The following EPS15 variants were observed in gnomAD, a reference collection of about 807,000 sequenced individuals.
The protein encoded by EPS15 is epidermal growth factor receptor substrate 15.
Under a neutral mutation model 113.8 loss-of-function variants are expected in EPS15, and 72 were observed. That is an observed-to-expected ratio of 0.63 (90% CI 0.52 to 0.77). The LOEUF is 0.77. Among genes scored for constraint, EPS15 ranks in the 30% least tolerant of loss-of-function variants. The pLI, the probability that EPS15 is intolerant of heterozygous loss-of-function variation, is 0.00. For missense variants in EPS15, 1,048 were observed against 1,045.8 expected (o/e 1.00, Z -0.03); for synonymous variants, 344 against 363.4 (o/e 0.95, Z 0.61).
intron 8 of EPS15, chr1:51,457,453 A>G (rs567181113): frequency 1.3e-4 from 19 of 150,910 alleles, no homozygotes; most frequent in African/African-American, 4.6e-4. Flanking sequence ...CGAATCCCCT[A>G]CCCAAAATGC....
intron 16 of EPS15, among the ~76,000 whole-genome samples, chr1:51,405,663 A>G (rs1324151097): frequency 6.6e-6 from 1 of 151,672 alleles, no homozygotes; most frequent in African/African-American, 2.4e-5. Context: ...GCACCACTGC[A>G]CTCCAGCCTG....
intron 23 of EPS15, among the ~76,000 whole-genome samples, chr1:51,363,240 G>A (rs1037961080): frequency 1.3e-5 from 2 of 149,884 alleles, no homozygotes; most frequent in African/African-American, 4.9e-5. Context: ...TGAGGTTACA[G>A]TGAGCTGAGA....
chr1:51,444,726 C>G (rs1037010001), intron 11 of EPS15, among the ~76,000 whole-genome samples, 163 bp downstream of exon 11: 2 of 152,156 alleles, frequency 1.3e-5, no homozygotes, highest in African/African-American at 4.8e-5. Flanking sequence ...ATACAAGGCA[C>G]TCCAGCATAT....
intron 2 of EPS15, among the ~76,000 whole-genome samples, chr1:51,478,990 T>C (rs1188133623): frequency 6.6e-6 from 1 of 152,208 alleles, no homozygotes; most frequent in African/African-American, 2.4e-5. Context: ...TTTCCTGAAT[T>C]TGAATGTTGG....
chr1:51,420,938 A>G (rs1650695195), intron 13 of EPS15, among the ~76,000 whole-genome samples: 1 of 152,180 alleles, frequency 6.6e-6, no homozygotes, highest in South Asian at 2.1e-4. Flanking sequence ...AATCCAACAT[A>G]CAAGCAACAC....
At chr1:51,463,507 C>A in intron 7 of EPS15, 166 bp downstream of exon 7, 1 of 476,274 alleles carries the variant, frequency 2.1e-6, no homozygotes, top group Non-Finnish European at 3.7e-6. Flanking sequence ...CAGAAATATG[C>A]TGGCAATAAT....
intron 8 of EPS15, among the ~76,000 whole-genome samples, chr1:51,455,426 C>T (rs1653915795): frequency 6.6e-6 from 1 of 151,878 alleles, no homozygotes; most frequent in South Asian, 2.1e-4. Context: ...CCCATCTCTA[C>T]AAAAAATACA....
chr1:51,391,818 A>G (rs186836086), intron 21 of EPS15, among the ~76,000 whole-genome samples: 54 of 152,354 alleles, frequency 3.5e-4, no homozygotes, highest in Non-Finnish European at 7.5e-4. Flanking sequence ...AACATTAAAG[A>G]TGAACCATGA....
chr1:51,403,466 T>C lies in EPS15; in HGVS notation c.1744A>G (p.Thr582Ala). The C allele has an allele frequency of 6.2e-7, 1 of 1,611,196 alleles. No homozygotes were observed. Among genetic ancestry groups the C allele is most frequent in the East Asian group, 2.2e-5 (1 of 44,754 alleles). ...TCGAGTTCAGAACAAACTTTTTCAG[T>C]AACAGCTGTAGTCACCTCATTTTCA... is the stretch of plus-strand genomic sequence containing the variant. Reference protein sequence around the residue: ...TDENEVTTAVTEKVCSELDNN... With the variant: ...TDENEVTTAVAEKVCSELDNN... Residue 582 changes from threonine to alanine, a missense_variant, in exon 17 of 25, where the codon ACT becomes GCT. Coordinates refer to ENST00000371733, the MANE Select transcript of EPS15 (RefSeq NM_001981.3).
chr1:51,470,401 T>G (rs1415214092), intron 4 of EPS15, among the ~76,000 whole-genome samples: 1 of 152,070 alleles, frequency 6.6e-6, no homozygotes, highest in African/African-American at 2.4e-5. Flanking sequence ...TCCCAGCACT[T>G]TGGGAGGCCG....
rs1458478406 is a variant in EPS15 at position 51,386,780 on chromosome 1, A to T, written c.2119+7601T>A. Among the ~76,000 whole-genome samples, 6 of 152,348 alleles carry T rather than the reference A, an allele frequency of 3.9e-5. No individual in the cohort carries two copies. In the East Asian group the frequency reaches 1.2e-3, roughly 29 times the overall value. ...GGGAAGTTTAGAGAAAAAAGAATAA[A>T]AAGAAACGAACAAAGCCTCCAAGAA... On this transcript the variant is annotated intron_variant, in intron 21 of 24. Coordinates refer to ENST00000371733, the MANE Select transcript of EPS15 (RefSeq NM_001981.3).
rs1646205606 is a variant in EPS15, at chr1:51,355,789, A to G, written c.*911T>C. 2 of 196,574 alleles carry G rather than the reference A, an allele frequency of 1.0e-5. No individual in the cohort carries two copies. The highest frequency in any genetic ancestry group is 2.3e-5 in the African/African-American group (1 of 43,342). 12.2% of individuals were successfully genotyped at this position (196,574 alleles called of 1,614,324 possible). ...AGCTTGCTGAAGTTTCTTCTGCAAA[A>G]GTACAAAAATTAACCCACTAAGAAC... On this transcript the variant is annotated 3_prime_UTR_variant, in exon 25 of 25. Coordinates refer to ENST00000371733, the MANE Select transcript of EPS15 (RefSeq NM_001981.3).
chr1:51,409,783 A>G, intron 13 of EPS15, 87 bp from the exon 14 acceptor site: 1 of 888,150 alleles, frequency 1.1e-6, no homozygotes, highest in South Asian at 1.5e-5. Flanking sequence ...TTAAGAAAGA[A>G]TAAAGTCTTA....
chr1:51,508,232 A>AGAAAAGAAAG (rs1644536878), intron 1 of EPS15, among the ~76,000 whole-genome samples: 1 of 97,264 alleles, frequency 1.0e-5, no homozygotes, highest in East Asian at 2.3e-4. Flanking sequence ...AGAAAAGAAA[A>AGAAAAGAAAG]GAAAAGAAAG....
chr1:51,385,777 T>C (rs909118316), intron 21 of EPS15, among the ~76,000 whole-genome samples: 3 of 152,168 alleles, frequency 2.0e-5, no homozygotes, highest in Non-Finnish European at 2.9e-5. Flanking sequence ...GAGGACATTA[T>C]GGTAAATGAA....
intron 21 of EPS15, chr1:51,372,857 C>T (rs1401103860): frequency 2.8e-6 from 2 of 705,714 alleles, no homozygotes; most frequent in Non-Finnish European, 4.2e-6. Context: ...TTTGAGGAGG[C>T]TGAACTCCAA....
At chr1:51,497,849 C>T (rs574028247) in intron 1 of EPS15, among the ~76,000 whole-genome samples, 27 of 151,902 alleles carry the variant, frequency 1.8e-4, no homozygotes, top group East Asian at 1.9e-4. Context: ...TGGTGGTGCG[C>T]GCCTGTAGTC....
At position 51,421,823 on chromosome 1, in the gene EPS15, T is replaced by C; in HGVS notation, c.1076A>G (p.Lys359Arg). 6.2e-7 allele frequency: 1 copy of C among 1,608,574 alleles called. No individual in the cohort carries two copies. Among genetic ancestry groups the C allele is most frequent in the African/African-American group, 1.3e-5 (1 of 74,950 alleles). The change falls in exon 13 of 25, where the codon AAG becomes AGG. Residue 359 changes from lysine (K) to arginine (R), a missense_variant. Lys to Arg is a conservative substitution (Grantham distance 26). Transcript: ENST00000371733. ...KNNVEQDLKE[K>R]EDTIKQRTSE... ...TGTCCTCTGTTTAATAGTATCTTCC[T>C]TCTCCTTAAGGTCCTGTTCCACATT... is the stretch of plus-strand genomic sequence containing the variant.
At chr1:51,364,086 G>T in intron 22 of EPS15, 58 bp from the exon 23 acceptor site, 1 of 1,284,584 alleles carries the variant, frequency 7.8e-7, no homozygotes, top group Non-Finnish European at 1.1e-6. Context: ...TGGTAGTCAT[G>T]TAGCATTCAG....
Sources: allele counts gnomAD v4.1 joint callset (sites outside exome capture counted in the v4.1 genomes callset), GRCh38; gene constraint gnomAD v4.1.1; transcripts MANE v1.5; gene names NCBI Gene and HGNC (gene_info 2026-07-23, HGNC 2026-07-21).